Variants in PDE3B observed in about 807,000 individuals in gnomAD.
The protein encoded by PDE3B is phosphodiesterase 3B.
PDE3B carries 66 observed loss-of-function variants against 116.8 expected under a neutral mutation model. That is an observed-to-expected ratio of 0.56 (90% confidence interval 0.46 to 0.69). PDE3B has a LOEUF of 0.69. Ranked by LOEUF, PDE3B falls within the 30% of genes least tolerant of loss-of-function variation. The probability of loss-of-function intolerance (pLI) is 0.00; values close to 1 mark genes in which losing one functional copy is unlikely to be tolerated. For missense variants in PDE3B, 1,384 were observed against 1,368.1 expected, an observed-to-expected ratio of 1.01 and a Z score of -0.18; for synonymous variants, 595 against 533.6, an observed-to-expected ratio of 1.12 and a Z score of -1.59.
intron 2 of PDE3B, among the ~76,000 whole-genome samples, chr11:14,779,528 A>G (rs539057478): frequency 3.3e-5 from 5 of 152,342 alleles, no homozygotes; most frequent in South Asian, 4.1e-4. Flanking sequence ...ACTCTTCAAC[A>G]AAAGAATTTT....
the PDE3B span, among the ~76,000 whole-genome samples, chr11:14,884,650 G>T: frequency 6.6e-6 from 1 of 151,386 alleles, no homozygotes; most frequent in Non-Finnish European, 1.5e-5. Flanking sequence ...CCTGCAAATT[G>T]TGCACCTGTA....
At chr11:14,649,868 A>G (rs1271801130) in intron 1 of PDE3B, among the ~76,000 whole-genome samples, 3 of 152,220 alleles carry the variant, frequency 2.0e-5, no homozygotes, top group Non-Finnish European at 4.4e-5. Flanking sequence ...TTTAAACAAA[A>G]GAAACTGAAA....
chr11:14,812,268 C>A (rs1313415473), intron 5 of PDE3B, among the ~76,000 whole-genome samples: 1 of 152,076 alleles, frequency 6.6e-6, no homozygotes, highest in East Asian at 1.9e-4. Context: ...TGAATGATAT[C>A]TTAAAAGGCT....
At chr11:14,804,674 T>A (rs1858866612) in intron 5 of PDE3B, among the ~76,000 whole-genome samples, 3 of 152,148 alleles carry the variant, frequency 2.0e-5, no homozygotes, top group Admixed American at 2.0e-4. Flanking sequence ...GATCAGAAAA[T>A]ATTATTGATA....
At chr11:14,831,894 A>AT (rs1859896235) in intron 9 of PDE3B, 117 bp downstream of exon 9, 2 of 616,240 alleles carry the variant, frequency 3.2e-6, no homozygotes, top group Admixed American at 3.4e-5. Context: ...ATTGTTCATT[A>AT]TTTTTTTCAG....
intron 1 of PDE3B, among the ~76,000 whole-genome samples, chr11:14,699,826 A>G (rs1855314158): frequency 6.6e-6 from 1 of 151,874 alleles, no homozygotes; most frequent in African/African-American, 2.4e-5. Flanking sequence ...ATAATGTTAG[A>G]GAAAATTGTA....
chr11:14,891,654 T>C, the PDE3B span: 12 of 1,157,254 alleles, frequency 1.0e-5, no homozygotes, highest in Non-Finnish European at 1.2e-5. Context: ...ACCCTGGACC[T>C]GAAGTGGCGG....
intron 1 of PDE3B, among the ~76,000 whole-genome samples, chr11:14,702,428 T>C (rs1208422945): frequency 6.6e-6 from 1 of 151,784 alleles, no homozygotes; most frequent in Non-Finnish European, 1.5e-5. Context: ...GAATCTAAAA[T>C]ACCCTATCTT....
rs1264098656 is a variant in PDE3B at position 14,843,891 on chromosome 11, T to C, written c.2385T>C (p.Pro795=). ...AYISSKSCSN[P]DESYGCLSSN... ...TTTCTTCGAAGAGCTGCTCTAATCC[T>C]GATGAGAGTTATGGCTGCCTGTCTT... The change falls in exon 12 of 16, where the codon CCT becomes CCC. Residue 795 remains proline (P), a synonymous_variant. Transcript: ENST00000282096. 1.9e-6 allele frequency: 3 copies of C among 1,613,876 alleles called. No individual in the cohort carries two copies. The highest frequency in any genetic ancestry group is 2.7e-5 in the African/African-American group (2 of 74,932).
In PDE3B at chr11:14,830,843, A is replaced by C. The variant is rs2133962256; in HGVS notation, c.1953A>C (p.Thr651=). The C allele has an allele frequency of 2.7e-6, 4 of 1,489,080 alleles. No individual in the cohort carries two copies. The East Asian group carries it at 1.0e-4, about 39-fold the overall frequency. 92.2% of individuals were successfully genotyped at this position (1,489,080 alleles called of 1,614,324 possible). Residue 651 remains threonine, a synonymous_variant, in exon 8 of 16, where the codon ACA becomes ACC. Transcript: ENST00000282096. ...LTEEAQSEQQ[T]NIEQEVSLDL... ...AAGAGGCACAGAGTGAACAGCAAAC[A>C]AATGTAAAAGATAAACTTTCAATAT... is the stretch of plus-strand genomic sequence containing the variant.
intron 1 of PDE3B, among the ~76,000 whole-genome samples, chr11:14,657,424 C>T (rs1853745334): frequency 6.6e-6 from 1 of 152,136 alleles, no homozygotes; most frequent in African/African-American, 2.4e-5. Flanking sequence ...TTCCACTTTT[C>T]AGAAAAAGTC....
At chr11:14,799,691 T>G (rs981792574) in intron 4 of PDE3B, among the ~76,000 whole-genome samples, 2 of 152,136 alleles carry the variant, frequency 1.3e-5, no homozygotes, top group Non-Finnish European at 2.9e-5. Context: ...AATGCCCTTC[T>G]TTGTCTCTTT....
chr11:14,892,276 T>C, the PDE3B span: 1 of 1,429,100 alleles, frequency 7.0e-7, no homozygotes, highest in African/African-American at 1.4e-5. Context: ...CCTGCCATAC[T>C]CCCATTGGCA....
chr11:14,845,537 C>A (rs1489778738), intron 12 of PDE3B, among the ~76,000 whole-genome samples: 1 of 152,130 alleles, frequency 6.6e-6, no homozygotes, highest in African/African-American at 2.4e-5. Context: ...GATCAAATTA[C>A]TCTGAGCTAC....
chr11:14,890,107 T>C, the PDE3B span, among the ~76,000 whole-genome samples: 1 of 152,032 alleles, frequency 6.6e-6, no homozygotes, highest in Non-Finnish European at 1.5e-5. Context: ...CCAGCCTGGG[T>C]GACAGAGCAA....
chr11:14,760,177 T>G (rs1857316673), intron 1 of PDE3B, among the ~76,000 whole-genome samples: 1 of 152,150 alleles, frequency 6.6e-6, no homozygotes. Flanking sequence ...ACAGTTTATT[T>G]AAAAGTGAGG....
intron 1 of PDE3B, among the ~76,000 whole-genome samples, chr11:14,726,328 C>G (rs974881661): frequency 2.0e-5 from 3 of 152,094 alleles, no homozygotes; most frequent in Non-Finnish European, 4.4e-5. Flanking sequence ...AAGACCTTGT[C>G]TGTCTTATTA....
intron 5 of PDE3B, among the ~76,000 whole-genome samples, chr11:14,811,037 T>G (rs963352585): frequency 2.0e-5 from 3 of 152,224 alleles, no homozygotes; most frequent in African/African-American, 7.2e-5. Flanking sequence ...CTTGTAAATT[T>G]GTTTGAGTTC....
rs1854461723 is a variant in PDE3B at position 14,674,229 on chromosome 11, T to G, written c.978+29176T>G. ...GGGTTTTCTGTTTGTTCTTTTTTGT[T>G]TTCACTTCAACATTTTTCTGTTGGA... On this transcript the variant is annotated intron_variant, in intron 1 of 15. Transcript: ENST00000282096. 5.7e-6 allele frequency: 7 copies of G among 1,227,692 alleles called. No individual in the cohort carries two copies. The Admixed American group carries it at 1.2e-4, about 21-fold the overall frequency. 76.0% of individuals were successfully genotyped at this position (1,227,692 alleles called of 1,614,324 possible).
Sources: gnomAD v4.1 joint callset for allele counts (sites outside exome capture counted in the v4.1 genomes callset) on GRCh38, gnomAD v4.1.1 for gene constraint, MANE v1.5 for transcripts, NCBI Gene and HGNC (gene_info 2026-07-23, HGNC 2026-07-21) for gene names.